Variants in FRAS1 observed in about 807,000 individuals in gnomAD.
FRAS1 encodes extracellular matrix organizing protein FRAS1.
In FRAS1, 290 loss-of-function variants were observed where a neutral mutation model predicts 435.2. That is an observed-to-expected ratio of 0.67 (90% CI 0.61 to 0.73). The LOEUF (loss-of-function observed/expected upper bound fraction) is 0.73, where lower values mean the gene tolerates loss of function less well. FRAS1 is among the 30% of genes least tolerant of loss of function. FRAS1 has a pLI of 0.00. For synonymous variants in FRAS1, 1,800 were observed against 1,851.0 expected, an observed-to-expected ratio of 0.97 and a Z score of 0.71; for missense variants, 4,860 against 5,001.5, an observed-to-expected ratio of 0.97 and a Z score of 0.85.
At position 78,481,966 on chromosome 4, in the gene FRAS1, T is replaced by C; in HGVS notation, c.8604+2T>C. The C allele has an allele frequency of 6.2e-7, 1 of 1,613,434 alleles. No individual in the cohort carries two copies. On this transcript the variant is annotated splice_donor_variant, in intron 57 of 73. Transcript: ENST00000512123. LOFTEE classifies it high-confidence loss of function. Reference sequence around the variant, plus strand: ...TTTGGGCCTGGTGTCATTGAACAGGTGCGTTTACAGCAGTCGAGACTCCAC... The same window carrying C: ...TTTGGGCCTGGTGTCATTGAACAGGCGCGTTTACAGCAGTCGAGACTCCAC...
At chr4:78,439,151 G>C in intron 40 of FRAS1, 87 bp downstream of exon 40, 1 of 1,174,936 alleles carries the variant, frequency 8.5e-7, no homozygotes, top group Non-Finnish European at 1.2e-6. Context: ...TGCCTAAATT[G>C]GCTGCCAAAT....
chr4:78,136,238 G>A (rs1719911515), intron 2 of FRAS1, among the ~76,000 whole-genome samples: 1 of 152,182 alleles, frequency 6.6e-6, no homozygotes. Flanking sequence ...ACACTAAATA[G>A]ACTGTGAAAA....
At position 78,267,445 on chromosome 4, in the gene FRAS1, G is replaced by A. The variant is rs1726422791; in HGVS notation, c.981+13G>A. On this transcript the variant is annotated intron_variant, in intron 9 of 73. Transcript: ENST00000512123. The stretch of plus-strand genomic sequence containing the variant: ...GGAGTGTGCCCGGGTAAGAAGCAGG[G>A]GCATTTCCATTTGGAACGTTGCAGC... 6.2e-7 allele frequency: 1 copy of A among 1,610,726 alleles called. No homozygotes were observed.
At chr4:78,226,572 A>G (rs189978669) in intron 2 of FRAS1, among the ~76,000 whole-genome samples, 2 of 149,140 alleles carry the variant, frequency 1.3e-5, no homozygotes, top group East Asian at 4.0e-4. Context: ...TGGCATTTTT[A>G]TTTGAAAATA....
chr4:78,420,234 TC>T (rs1733717874), intron 33 of FRAS1, among the ~76,000 whole-genome samples: 1 of 152,350 alleles, frequency 6.6e-6, no homozygotes, highest in East Asian at 1.9e-4. Context: ...AATTCCATTA[TC>T]CTTTTGACAA....
intron 2 of FRAS1, among the ~76,000 whole-genome samples, chr4:78,236,303 TA>T (rs1724758310): frequency 1.4e-5 from 2 of 146,326 alleles, no homozygotes; most frequent in Non-Finnish European, 3.1e-5. Flanking sequence ...TTTATTTATT[TA>T]TTTATTTTTT....
intron 30 of FRAS1, among the ~76,000 whole-genome samples, chr4:78,406,219 C>G (rs1326331183): frequency 2.0e-5 from 3 of 152,184 alleles, no homozygotes; most frequent in East Asian, 1.9e-4. Flanking sequence ...TGTGTAACTT[C>G]TAACGTTATT....
rs1033569671 is a variant in FRAS1 at position 78,057,350 on chromosome 4, G to T, written c.-660G>T. ...TTCCTCTGAAGCTTCCGAACAGTCT[G>T]CTTCAGGGAGCGCAGCCTGAGGCGG... is the stretch of plus-strand genomic sequence containing the variant. On this transcript the variant is annotated 5_prime_UTR_variant, in exon 1 of 74. Transcript: ENST00000512123. The surrounding 1 kb of genome is among the most constrained non-coding windows in gnomAD (Gnocchi z 4.2). Among the ~76,000 whole-genome samples, 1 of 152,166 alleles carries T rather than the reference G, an allele frequency of 6.6e-6. No homozygotes were observed. Among genetic ancestry groups the T allele is most frequent in the Non-Finnish European group, 1.5e-5 (1 of 68,032 alleles).
intron 18 of FRAS1, among the ~76,000 whole-genome samples, chr4:78,321,461 G>A (rs542173368): frequency 1.3e-5 from 2 of 152,200 alleles, no homozygotes; most frequent in Non-Finnish European, 2.9e-5. Flanking sequence ...GCATACTAAT[G>A]CTTCAGGGTT....
intron 22 of FRAS1, among the ~76,000 whole-genome samples, chr4:78,365,794 C>T (rs1731246274): frequency 6.7e-6 from 1 of 148,426 alleles, no homozygotes; most frequent in African/African-American, 2.5e-5. Context: ...AACCTCATCT[C>T]TACCAAAAAT....
At chr4:78,156,709 G>T (rs1206553660) in intron 2 of FRAS1, among the ~76,000 whole-genome samples, 3 of 152,164 alleles carry the variant, frequency 2.0e-5, no homozygotes, top group Admixed American at 2.0e-4. Flanking sequence ...TGAATTGAAT[G>T]ATTCTAAGTG....
intron 18 of FRAS1, among the ~76,000 whole-genome samples, chr4:78,321,739 G>C (rs1007518950): frequency 2.0e-5 from 3 of 151,806 alleles, no homozygotes; most frequent in Non-Finnish European, 2.9e-5. Context: ...CAGCTACTTG[G>C]GAGGGTGAGG....
intron 19 of FRAS1, among the ~76,000 whole-genome samples, chr4:78,334,901 G>A (rs926745731): frequency 6.6e-6 from 1 of 151,922 alleles, no homozygotes; most frequent in Admixed American, 6.6e-5. Flanking sequence ...TGGAACTATA[G>A]GCATACACCA....
At chr4:78,376,938 G>T (rs1176717387) in intron 26 of FRAS1, among the ~76,000 whole-genome samples, 1 of 152,126 alleles carries the variant, frequency 6.6e-6, no homozygotes, top group Non-Finnish European at 1.5e-5. Context: ...AGGTTGTGGT[G>T]AGCCGAGATC....
At chr4:78,218,316 C>G (rs866952312) in intron 2 of FRAS1, among the ~76,000 whole-genome samples, 1 of 151,526 alleles carries the variant, frequency 6.6e-6, no homozygotes, top group African/African-American at 2.4e-5. Context: ...CTAAAGCTCT[C>G]TTTTTGTGCA....
chr4:78,288,639 T>A (rs1034563954), intron 14 of FRAS1, among the ~76,000 whole-genome samples: 1 of 152,108 alleles, frequency 6.6e-6, no homozygotes, highest in Admixed American at 6.5e-5. Flanking sequence ...TTAAACCAAT[T>A]TGCTTTAGTT....
At chr4:78,483,782 C>CTATATA (rs1393760973) in intron 58 of FRAS1, among the ~76,000 whole-genome samples, 1 of 83,288 alleles carries the variant, frequency 1.2e-5, no homozygotes, top group African/African-American at 3.3e-5. Flanking sequence ...CTCTCTCTCT[C>CTATATA]TATATATATA....
At chr4:78,264,620 ATTACCAAG>A (rs1274667908) in intron 6 of FRAS1, among the ~76,000 whole-genome samples, 2 of 152,212 alleles carry the variant, frequency 1.3e-5, no homozygotes, top group African/African-American at 4.8e-5. Context: ...ACCAGTTACC[ATTACCAAG>A]TTAGCTGTGT....
At chr4:78,135,908 A>C (rs558275176) in intron 2 of FRAS1, among the ~76,000 whole-genome samples, 66 of 152,268 alleles carry the variant, frequency 4.3e-4, no homozygotes, top group Non-Finnish European at 7.8e-4. Flanking sequence ...TGTTGCTCCT[A>C]AGGGAAATAT....
Sources: gnomAD v4.1 joint callset for allele counts (sites outside exome capture counted in the v4.1 genomes callset) on GRCh38, gnomAD v4.1.1 for gene constraint, Gnocchi (gnomAD v3.1) non-coding constraint, MANE v1.5 for transcripts, NCBI Gene and HGNC (gene_info 2026-07-23, HGNC 2026-07-21) for gene names.